PDE4D: variants seen among roughly 807,000 people sequenced by gnomAD.
PDE4D encodes phosphodiesterase 4D.
Under a neutral mutation model 87.4 loss-of-function variants are expected in PDE4D, and 24 were observed. The ratio of observed to expected loss-of-function variants is 0.27; its 90% CI spans 0.20 to 0.39. The LOEUF is 0.39. Ranked by LOEUF, PDE4D falls within the 10% of genes least tolerant of loss-of-function variation. PDE4D has a pLI of 1.00. For synonymous variants in PDE4D, 384 were observed against 383.2 expected (o/e 1.00, Z -0.02); for missense variants, 714 against 1,041.0 (o/e 0.69, Z 4.32).
intron 1 of PDE4D, among the ~76,000 whole-genome samples, chr5:59,547,311 A>C (rs1022077160): frequency 7.9e-5 from 12 of 152,142 alleles, no homozygotes; most frequent in African/African-American, 2.7e-4. Flanking sequence ...TAGGAAAAAA[A>C]GGGGCAGTAT....
At chr5:59,604,965 C>G (rs1041526801) in intron 1 of PDE4D, among the ~76,000 whole-genome samples, 1 of 152,014 alleles carries the variant, frequency 6.6e-6, no homozygotes, top group African/African-American at 2.4e-5. Context: ...CACATACACA[C>G]ATTCATTTTG....
intron 2 of PDE4D, among the ~76,000 whole-genome samples, chr5:60,050,804 C>T (rs1437531505): frequency 1.3e-5 from 2 of 152,042 alleles, no homozygotes; most frequent in East Asian, 1.9e-4. Context: ...TCACGTGCAA[C>T]AACACACATA....
chr5:60,449,530 T>C (rs575393130), intron 1 of PDE4D, among the ~76,000 whole-genome samples: 1 of 148,226 alleles, frequency 6.7e-6, no homozygotes, highest in Non-Finnish European at 1.5e-5. Flanking sequence ...CACTGGGAGA[T>C]ATACCTAATG....
At chr5:59,698,165 G>A (rs1752055497) in intron 1 of PDE4D, among the ~76,000 whole-genome samples, 1 of 152,078 alleles carries the variant, frequency 6.6e-6, no homozygotes, top group Non-Finnish European at 1.5e-5. Context: ...ACTGGACTTT[G>A]GCTTGGAGGT....
At chr5:59,878,899 T>TG (rs1749003004) in intron 1 of PDE4D, among the ~76,000 whole-genome samples, 1 of 127,990 alleles carries the variant, frequency 7.8e-6, no homozygotes, top group South Asian at 2.6e-4. Context: ...TTTTTTTTTT[T>TG]TTTTTTTTTT....
At chr5:58,995,860 A>C (rs1262374771) in intron 6 of PDE4D, among the ~76,000 whole-genome samples, 1 of 151,846 alleles carries the variant, frequency 6.6e-6, no homozygotes, top group Non-Finnish European at 1.5e-5. Flanking sequence ...GGTTTAAAAA[A>C]CTCTTTGCTT....
chr5:59,372,680 C>T (rs934834133), intron 1 of PDE4D, among the ~76,000 whole-genome samples: 2 of 152,200 alleles, frequency 1.3e-5, no homozygotes, highest in Non-Finnish European at 2.9e-5. Context: ...TGACTGTGCA[C>T]ACAGGCTCCA....
intron 1 of PDE4D, among the ~76,000 whole-genome samples, chr5:60,506,559 G>A (rs190073224): frequency 5.9e-5 from 9 of 152,022 alleles, no homozygotes; most frequent in Admixed American, 5.2e-4. Flanking sequence ...GGAGAAAAAA[G>A]GCTAATGCTG....
At chr5:59,200,066 C>G (rs114315245) in intron 2 of PDE4D, among the ~76,000 whole-genome samples, 203 of 143,800 alleles carry the variant, frequency 1.4e-3, no homozygotes, top group African/African-American at 5.3e-3. Context: ...TGCATGTACA[C>G]ACACGTATGC....
intron 1 of PDE4D, among the ~76,000 whole-genome samples, chr5:59,372,212 T>G (rs996881428): frequency 1.3e-5 from 2 of 152,220 alleles, no homozygotes; most frequent in African/African-American, 4.8e-5. Context: ...CTTACGTGTC[T>G]CATAGCTTTA....
intron 1 of PDE4D, among the ~76,000 whole-genome samples, chr5:59,628,249 G>A (rs1428036186): frequency 6.6e-6 from 1 of 152,174 alleles, no homozygotes; most frequent in Non-Finnish European, 1.5e-5. Flanking sequence ...TGGGAGCTGT[G>A]TGGTGTCATG....
At chr5:60,398,360 T>C (rs1385260777) in intron 1 of PDE4D, among the ~76,000 whole-genome samples, 4 of 152,202 alleles carry the variant, frequency 2.6e-5, no homozygotes, top group Non-Finnish European at 4.4e-5. Context: ...CTGTTACTAG[T>C]TGGACAGACC....
chr5:59,070,216 G>A (rs911746730), intron 5 of PDE4D, among the ~76,000 whole-genome samples: 1 of 151,966 alleles, frequency 6.6e-6, no homozygotes, highest in African/African-American at 2.4e-5. Context: ...GTTTCAATTT[G>A]AACTTATTAC....
At chr5:59,590,500 C>T (rs1825770724) in intron 1 of PDE4D, among the ~76,000 whole-genome samples, 1 of 152,070 alleles carries the variant, frequency 6.6e-6, no homozygotes. Context: ...AACATAGACT[C>T]TGTCTCTAAA....
chr5:60,059,364 T>C (rs868769387), intron 2 of PDE4D, among the ~76,000 whole-genome samples: 7 of 152,092 alleles, frequency 4.6e-5, no homozygotes, highest in African/African-American at 1.2e-4. Context: ...CTACCTAGAA[T>C]AGCATATATT....
At chr5:59,492,016 T>C (rs1263721745) in intron 1 of PDE4D, among the ~76,000 whole-genome samples, 2 of 152,164 alleles carry the variant, frequency 1.3e-5, no homozygotes, top group Non-Finnish European at 2.9e-5. Flanking sequence ...TGGAATTGCC[T>C]TTATCCAAAG....
chr5:60,213,544 T>G (rs1743496206), intron 1 of PDE4D, among the ~76,000 whole-genome samples: 1 of 152,234 alleles, frequency 6.6e-6, no homozygotes, highest in Non-Finnish European at 1.5e-5. Context: ...CTCCCGATTC[T>G]TTTCGCAATT....
At chr5:59,932,488 CTAT>C (rs1334077228) in intron 3 of PDE4D, among the ~76,000 whole-genome samples, 1 of 152,116 alleles carries the variant, frequency 6.6e-6, no homozygotes, top group Non-Finnish European at 1.5e-5. Context: ...TGCTTAGCTA[CTAT>C]TATTAAGTCC....
chr5:59,075,154 G>A (rs781588564), intron 5 of PDE4D, among the ~76,000 whole-genome samples: 11 of 150,818 alleles, frequency 7.3e-5, no homozygotes, highest in Non-Finnish European at 1.3e-4. Flanking sequence ...CATGGGCATG[G>A]GATGGTAGGA....
Sources: allele counts gnomAD v4.1 joint callset (sites outside exome capture counted in the v4.1 genomes callset), GRCh38; gene constraint gnomAD v4.1.1; transcripts MANE v1.5; gene names NCBI Gene and HGNC (gene_info 2026-07-23, HGNC 2026-07-21).